CAB39: variants seen among roughly 807,000 people sequenced by gnomAD.
The protein encoded by CAB39 is calcium-binding protein 39.
CAB39 carries 8 observed loss-of-function variants against 40.0 expected under a neutral mutation model. The ratio of observed to expected loss-of-function variants is 0.20; its 90% CI spans 0.12 to 0.36. The LOEUF (loss-of-function observed/expected upper bound fraction) is 0.36. CAB39 is among the 10% of genes least tolerant of loss of function. The pLI is 1.00. For missense variants in CAB39, 270 were observed against 401.1 expected (o/e 0.67, Z 2.79); for synonymous variants, 156 against 141.6 (o/e 1.10, Z -0.72).
At chr2:230,786,670 C>T (rs555527540) in intron 2 of CAB39, among the ~76,000 whole-genome samples, 26 of 152,236 alleles carry the variant, frequency 1.7e-4, no homozygotes, top group African/African-American at 6.0e-4. Flanking sequence ...TTTGATCTAA[C>T]CAGAGAAGCA....
intron 2 of CAB39, among the ~76,000 whole-genome samples, chr2:230,769,255 C>T (rs538924666): frequency 6.6e-6 from 1 of 152,210 alleles, no homozygotes; most frequent in Non-Finnish European, 1.5e-5. Flanking sequence ...CAAATTAAAG[C>T]AAAATAAAAC....
chr2:230,725,145 A>G, intron 1 of CAB39: 1 of 1,613,256 alleles, frequency 6.2e-7, no homozygotes, highest in Non-Finnish European at 8.5e-7. Context: ...AGAGAGCATC[A>G]CAAGAAGGCG....
intron 1 of CAB39, among the ~76,000 whole-genome samples, chr2:230,748,075 A>G (rs934835973): frequency 4.7e-5 from 7 of 150,446 alleles, no homozygotes; most frequent in East Asian, 1.9e-4. Flanking sequence ...GTATTTGACT[A>G]TATGAGGCTC....
intron 1 of CAB39, among the ~76,000 whole-genome samples, chr2:230,747,224 CAAAAAG>C (rs1467302625): frequency 1.3e-5 from 2 of 151,974 alleles, no homozygotes; most frequent in Non-Finnish European, 2.9e-5. Flanking sequence ...GACTCCTTCT[CAAAAAG>C]AAAAAGAAAA....
At chr2:230,748,435 A>G (rs376407033) in intron 1 of CAB39, among the ~76,000 whole-genome samples, 6 of 152,168 alleles carry the variant, frequency 3.9e-5, no homozygotes, top group Non-Finnish European at 5.9e-5. Context: ...CGTATCCTCT[A>G]TGAAATTCCC....
chr2:230,747,723 A>G (rs905089157), intron 1 of CAB39, among the ~76,000 whole-genome samples: 1 of 152,260 alleles, frequency 6.6e-6, no homozygotes, highest in Non-Finnish European at 1.5e-5. Flanking sequence ...AACTTTTGCC[A>G]TATTACTATG....
chr2:230,765,718 T>C (rs1695374079), intron 2 of CAB39, among the ~76,000 whole-genome samples: 1 of 152,028 alleles, frequency 6.6e-6, no homozygotes, highest in Non-Finnish European at 1.5e-5. Flanking sequence ...ACATTACAGG[T>C]TGTAACACTA....
chr2:230,758,186 A>G (rs1444673651), intron 1 of CAB39, among the ~76,000 whole-genome samples: 2 of 151,842 alleles, frequency 1.3e-5, no homozygotes, highest in Non-Finnish European at 2.9e-5. Context: ...AGTCCCAGCT[A>G]CTTGGGAGGC....
intron 2 of CAB39, among the ~76,000 whole-genome samples, chr2:230,786,187 A>G (rs867989310): frequency 0.018 from 2,465 of 139,378 alleles, 53 homozygotes; most frequent in African/African-American, 0.069. Flanking sequence ...AAAAAAAAAA[A>G]AGAGATGGAG....
intron 1 of CAB39, among the ~76,000 whole-genome samples, chr2:230,730,641 A>G (rs1694671452): frequency 6.6e-6 from 1 of 152,068 alleles, no homozygotes; most frequent in South Asian, 2.1e-4. Flanking sequence ...ACAGGGTTCC[A>G]TCATGTTGGC....
chr2:230,752,455 C>T (rs1213512597), intron 1 of CAB39, among the ~76,000 whole-genome samples: 1 of 152,170 alleles, frequency 6.6e-6, no homozygotes, highest in Non-Finnish European at 1.5e-5. Context: ...AGGGCTGCAT[C>T]TCACATGGTG....
intron 1 of CAB39, among the ~76,000 whole-genome samples, chr2:230,718,290 T>C: frequency 6.6e-6 from 1 of 152,236 alleles, no homozygotes; most frequent in South Asian, 2.1e-4. Flanking sequence ...TCTTGTCTCA[T>C]GAACTGTAAC....
chr2:230,765,815 T>C (rs541088827), intron 2 of CAB39, among the ~76,000 whole-genome samples: 1 of 152,254 alleles, frequency 6.6e-6, no homozygotes, highest in South Asian at 2.1e-4. Flanking sequence ...CAAAGGGTTA[T>C]CTAGCCAAAA....
chr2:230,742,760 G>A (rs1332748518), intron 1 of CAB39, among the ~76,000 whole-genome samples: 1 of 152,132 alleles, frequency 6.6e-6, no homozygotes, highest in Non-Finnish European at 1.5e-5. Flanking sequence ...ATTGATCAGA[G>A]GGGTGGAAAG....
intron 1 of CAB39, among the ~76,000 whole-genome samples, chr2:230,728,232 C>T (rs144305334): frequency 3.1e-3 from 462 of 149,062 alleles, no homozygotes; most frequent in Non-Finnish European, 4.9e-3. Flanking sequence ...AGTGAGACTC[C>T]GTCTCAAAAA....
chr2:230,768,991 A>G (rs1695436647), intron 2 of CAB39, among the ~76,000 whole-genome samples: 1 of 152,194 alleles, frequency 6.6e-6, no homozygotes, highest in Non-Finnish European at 1.5e-5. Flanking sequence ...TCCCTACTAT[A>G]TGGTGCCTAT....
intron 2 of CAB39, among the ~76,000 whole-genome samples, chr2:230,771,993 A>G (rs2124932223): frequency 6.6e-6 from 1 of 152,334 alleles, no homozygotes; most frequent in East Asian, 1.9e-4. Context: ...CCAGAAGAAA[A>G]TCTTTGTGAC....
intron 5 of CAB39, 34 bp downstream of exon 5, chr2:230,798,931 A>G (rs765934811): frequency 6.5e-7 from 1 of 1,534,860 alleles, no homozygotes; most frequent in Admixed American, 1.8e-5. Context: ...AATATCCTTG[A>G]AAGTCAGAGG....
chr2:230,749,192 T>G (rs1173040678), intron 1 of CAB39, among the ~76,000 whole-genome samples: 1 of 152,018 alleles, frequency 6.6e-6, no homozygotes, highest in Non-Finnish European at 1.5e-5. Context: ...GATGCTTGAT[T>G]TCCATGTTAA....
Sources: gnomAD v4.1 joint callset for allele counts (sites outside exome capture counted in the v4.1 genomes callset) on GRCh38, gnomAD v4.1.1 for gene constraint, MANE v1.5 for transcripts, NCBI Gene and HGNC (gene_info 2026-07-23, HGNC 2026-07-21) for gene names.